Variants in ASIC2 observed in about 807,000 individuals in gnomAD.
ASIC2 encodes the protein acid-sensing ion channel 2.
ASIC2 carries 25 observed loss-of-function variants against 57.3 expected under a neutral mutation model. The observed-to-expected ratio is 0.44, with a 90% CI of 0.32 to 0.61. The LOEUF is 0.61. ASIC2 is among the 20% of genes least tolerant of loss of function. ASIC2 has a pLI of 0.06. For synonymous variants in ASIC2, 319 were observed against 307.5 expected (o/e 1.04, Z -0.39); for missense variants, 641 against 738.1 (o/e 0.87, Z 1.52).
At position 33,661,112 on chromosome 17, in the gene ASIC2, G is replaced by A. The variant is rs537385633; in HGVS notation, c.555+494866C>T. 3.0e-4 allele frequency among the ~76,000 whole-genome samples: 46 copies of A among 152,148 alleles called. 1 individual carries two copies. In the South Asian group the frequency reaches 8.9e-3, roughly 30 times the overall value. On this transcript the variant is annotated intron_variant, in intron 1 of 9. Transcript: ENST00000359872. ...AAGCCGACTCCCTTCCACTCCCTCT[G>A]CCCCCGCTGCTGTCTTACACAGCCG... is the stretch of plus-strand genomic sequence containing the variant.
intron 1 of ASIC2, among the ~76,000 whole-genome samples, chr17:33,396,606 A>G (rs1163742210): frequency 6.6e-6 from 1 of 152,130 alleles, no homozygotes; most frequent in African/African-American, 2.4e-5. Flanking sequence ...TCATTGCCTC[A>G]CTTATAGAAG....
At chr17:33,896,179 G>A (rs1489931857) in intron 1 of ASIC2, among the ~76,000 whole-genome samples, 1 of 152,192 alleles carries the variant, frequency 6.6e-6, no homozygotes, top group African/African-American at 2.4e-5. Flanking sequence ...GAGCCTGGTA[G>A]AGGACAAATG....
chr17:34,137,613 A>C (rs925254807), intron 1 of ASIC2, among the ~76,000 whole-genome samples: 2 of 152,042 alleles, frequency 1.3e-5, no homozygotes, highest in South Asian at 4.1e-4. Context: ...ACCCCACATC[A>C]CTTTTGTCTT....
intron 1 of ASIC2, among the ~76,000 whole-genome samples, chr17:33,617,606 A>G (rs1905648691): frequency 6.6e-6 from 1 of 152,254 alleles, no homozygotes; most frequent in Non-Finnish European, 1.5e-5. Context: ...TGACAACACG[A>G]TGTACCTGTG....
rs551321078 is a variant in ASIC2, at chr17:34,013,387, C to T, written c.555+142591G>A. Among the ~76,000 whole-genome samples, 4 of 152,320 alleles carry T rather than the reference C, an allele frequency of 2.6e-5. No homozygotes were observed. The East Asian group carries it at 5.8e-4, about 22-fold the overall frequency. On this transcript the variant is annotated intron_variant, in intron 1 of 9. Coordinates refer to the ASIC2 transcript ENST00000359872. ...TCCAGGTCCTCTGCAAAGGTCTCTTCCTGGGGCAGCTCCTACAGTTCCTAA... is the reference window on the plus strand; with the variant it reads ...TCCAGGTCCTCTGCAAAGGTCTCTTTCTGGGGCAGCTCCTACAGTTCCTAA...
At chr17:33,822,220 G>A (rs367689480) in intron 1 of ASIC2, among the ~76,000 whole-genome samples, 17 of 152,300 alleles carry the variant, frequency 1.1e-4, no homozygotes, top group South Asian at 2.1e-4. Flanking sequence ...TCTGTTAGTG[G>A]TTGGCTTATG....
chr17:33,852,319 G>A (rs973008484), intron 1 of ASIC2, among the ~76,000 whole-genome samples: 2 of 152,162 alleles, frequency 1.3e-5, no homozygotes, highest in Non-Finnish European at 2.9e-5. Flanking sequence ...CTTTGTGGCA[G>A]GCATGCATGA....
Position 34,049,200 on chromosome 17 carries a change from G to A in ASIC2, c.555+106778C>T, listed in dbSNP as rs149937872. ...CCAGGTGCTGAGGAGGCTAATGTGGGAGGATCACTTGAGCCCAGGAGATCG... is the reference window on the plus strand; with the variant it reads ...CCAGGTGCTGAGGAGGCTAATGTGGAAGGATCACTTGAGCCCAGGAGATCG... On this transcript the variant is annotated intron_variant, in intron 1 of 9. Coordinates refer to the ASIC2 transcript ENST00000359872. Among the ~76,000 whole-genome samples, 461 of 152,262 alleles carry A rather than the reference G, an allele frequency of 3.0e-3. 1 individual carries two copies. Among genetic ancestry groups the A allele is most frequent in the Non-Finnish European group, 5.0e-3 (337 of 68,006 alleles).
intron 1 of ASIC2, among the ~76,000 whole-genome samples, chr17:33,265,421 A>G (rs1597657321): frequency 6.6e-6 from 1 of 152,096 alleles, no homozygotes; most frequent in African/African-American, 2.4e-5. Flanking sequence ...GAAACCAAAC[A>G]CCGCCATGTC....
intron 1 of ASIC2, among the ~76,000 whole-genome samples, chr17:34,135,115 G>C (rs1912092251): frequency 1.3e-5 from 2 of 152,222 alleles, no homozygotes; most frequent in Admixed American, 1.3e-4. Flanking sequence ...CTTTCTGCTA[G>C]ATAAGTTGGA....
intron 1 of ASIC2, among the ~76,000 whole-genome samples, chr17:33,151,762 G>C (rs1904808674): frequency 6.6e-6 from 1 of 152,152 alleles, no homozygotes; most frequent in African/African-American, 2.4e-5. Flanking sequence ...CACCAAGAAA[G>C]GCCTTGCCAG....
At chr17:33,490,123 C>T (rs532478376) in intron 1 of ASIC2, among the ~76,000 whole-genome samples, 4 of 152,208 alleles carry the variant, frequency 2.6e-5, no homozygotes, top group Non-Finnish European at 5.9e-5. Context: ...AGAATACAGT[C>T]GTGTACATTC....
intron 1 of ASIC2, among the ~76,000 whole-genome samples, chr17:33,505,863 C>T (rs1267630250): frequency 2.6e-5 from 4 of 152,224 alleles, no homozygotes; most frequent in Admixed American, 6.5e-5. Context: ...ACCCCAGCAC[C>T]AGGGTGAGCA....
intron 1 of ASIC2, among the ~76,000 whole-genome samples, chr17:33,712,709 G>A (rs1909085176): frequency 7.0e-6 from 1 of 142,200 alleles, no homozygotes; most frequent in Non-Finnish European, 1.5e-5. Context: ...GCAGTGGCGG[G>A]ATCTCGGCTC....
At chr17:33,217,414 G>A (rs939939080) in intron 1 of ASIC2, among the ~76,000 whole-genome samples, 4 of 152,236 alleles carry the variant, frequency 2.6e-5, no homozygotes, top group African/African-American at 7.2e-5. Flanking sequence ...AAACACACAC[G>A]CACGTACTCA....
In ASIC2 at chr17:33,562,861, C is replaced by T. The variant is rs12602467; in HGVS notation, c.556-450794G>A. 4.2e-3 allele frequency among the ~76,000 whole-genome samples: 640 copies of T among 152,320 alleles called. 4 individuals are homozygous for T. Among genetic ancestry groups the T allele is most frequent in the East Asian group, 0.011 (59 of 5,188 alleles). On this transcript the variant is annotated intron_variant, in intron 1 of 9. Coordinates refer to the ASIC2 transcript ENST00000359872. ...TGCCTCTGATGACATGTGGATCCCACACTCAGACCACAGGATAAACTGGGC... is the reference window on the plus strand; with the variant it reads ...TGCCTCTGATGACATGTGGATCCCATACTCAGACCACAGGATAAACTGGGC...
chr17:34,133,108 A>G (rs1912039235), intron 1 of ASIC2, among the ~76,000 whole-genome samples: 1 of 152,246 alleles, frequency 6.6e-6, no homozygotes, highest in Admixed American at 6.5e-5. Context: ...TTGGGCATCA[A>G]TTATCTGATT....
At chr17:33,882,434 T>A (rs1914725020) in intron 1 of ASIC2, among the ~76,000 whole-genome samples, 1 of 151,838 alleles carries the variant, frequency 6.6e-6, no homozygotes, top group Non-Finnish European at 1.5e-5. Flanking sequence ...AACAACCCCA[T>A]CAAAAAGTGG....
At chr17:33,178,515 A>G (rs1450699896) in intron 1 of ASIC2, among the ~76,000 whole-genome samples, 1 of 152,234 alleles carries the variant, frequency 6.6e-6, no homozygotes, top group Non-Finnish European at 1.5e-5. Context: ...TCATAAATAA[A>G]ACCATAAAGT....
Sources: allele counts gnomAD v4.1 joint callset (sites outside exome capture counted in the v4.1 genomes callset), GRCh38; gene constraint gnomAD v4.1.1; transcripts MANE v1.5; gene names NCBI Gene and HGNC (gene_info 2026-07-23, HGNC 2026-07-21).